The following EPS8 variants were observed in gnomAD, a reference collection of about 807,000 sequenced individuals.
EPS8 encodes epidermal growth factor receptor kinase substrate 8.
In EPS8, 42 loss-of-function variants were observed where a neutral mutation model predicts 103.8. The ratio of observed to expected loss-of-function variants is 0.40; its 90% confidence interval spans 0.32 to 0.52. The LOEUF is 0.52. Among genes scored for constraint, EPS8 ranks in the 20% least tolerant of loss-of-function variants. The pLI is 0.40. For missense variants in EPS8, 969 were observed against 1,005.1 expected, an observed-to-expected ratio of 0.96 and a Z score of 0.49; for synonymous variants, 344 against 344.6, an observed-to-expected ratio of 1.00 and a Z score of 0.02.
At chr12:15,739,610 C>G (rs1287206007) in intron 1 of EPS8, among the ~76,000 whole-genome samples, 2 of 151,578 alleles carry the variant, frequency 1.3e-5, no homozygotes, top group African/African-American at 4.9e-5. Flanking sequence ...GTTTTTGGAC[C>G]CTGAGACTCA....
intron 3 of EPS8, among the ~76,000 whole-genome samples, chr12:15,676,259 CAAAAAA>C (rs888576581): frequency 6.1e-5 from 1 of 16,336 alleles, no homozygotes; most frequent in South Asian, 1.9e-3. Context: ...GACTCCATCT[CAAAAAA>C]AAAAAAAAAA....
In EPS8 at chr12:15,745,096, C is replaced by A. The variant is rs1591915027; in HGVS notation, c.-22+44065G>T. Among the ~76,000 whole-genome samples, 5 of 152,144 alleles carry A rather than the reference C, an allele frequency of 3.3e-5. No homozygotes were observed. Among genetic ancestry groups the A allele is most frequent in the Admixed American group, 3.3e-4 (5 of 15,274 alleles). ...CAGGATGGTCTCGATCTCCTGACCT[C>A]GTGATCCACCCACCTCAGCCTCCCA... On this transcript the variant is annotated intron_variant, in intron 1 of 20. Coordinates refer to ENST00000281172, the MANE Select transcript of EPS8 (RefSeq NM_004447.6). The surrounding 1 kb of genome is among the most constrained non-coding windows in gnomAD (Gnocchi z 4.6).
At chr12:15,624,660 C>T (rs911623276) in intron 18 of EPS8, among the ~76,000 whole-genome samples, 6 of 152,168 alleles carry the variant, frequency 3.9e-5, no homozygotes, top group Non-Finnish European at 8.8e-5. Context: ...TAACTTTCTG[C>T]GTATTCTGTG....
chr12:15,779,953 T>C lies in EPS8; in HGVS notation c.-22+9208A>G, dbSNP rs1379366026. 1 of 152,228 alleles carries C rather than the reference T, an allele frequency of 6.6e-6. No individual in the cohort carries two copies. Among genetic ancestry groups the C allele is most frequent in the African/African-American group, 2.4e-5 (1 of 41,472 alleles). 9.4% of individuals were successfully genotyped at this position (152,228 alleles called of 1,614,324 possible). A position where few individuals can be genotyped will look rare whatever the true frequency, so the allele number is the denominator to read the frequency against. ...AGATTATTACATTCTTTTGTTGCTA[T>C]GCTACTAAATGTAAGAATGGTTTGA... is the stretch of plus-strand genomic sequence containing the variant. On this transcript the variant is annotated intron_variant, in intron 1 of 20. Coordinates refer to ENST00000281172, the MANE Select transcript of EPS8 (RefSeq NM_004447.6). This position sits in a 1 kb window ranked among gnomAD's most constrained non-coding sequence, Gnocchi z 4.3.
Position 15,682,907 on chromosome 12 carries a change from G to C in EPS8, c.45C>G (p.Tyr15Ter). Reference sequence around the variant, plus strand: ...TTTCAACTTACTTCATCTGAGATGGGTACATTCCAAAACTACTGGGATGAT... The same window carrying C: ...TTTCAACTTACTTCATCTGAGATGGCTACATTCCAAAACTACTGGGATGAT... Reference protein sequence around the residue: ...ISNHPSSFGMYPSQMNGYGSS... With the variant: ...ISNHPSSFGM The change falls in exon 2 of 21, where the codon TAC (tyrosine) becomes TAG (stop). Residue 15 changes from tyrosine to a stop codon, truncating the protein, a stop_gained. Coordinates refer to ENST00000281172, the MANE Select transcript of EPS8 (RefSeq NM_004447.6). LOFTEE classifies it high-confidence loss of function. The C allele has an allele frequency of 6.4e-7, 1 of 1,553,184 alleles. No homozygotes were observed. Among genetic ancestry groups the C allele is most frequent in the Non-Finnish European group, 8.8e-7 (1 of 1,133,318 alleles).
intron 14 of EPS8, among the ~76,000 whole-genome samples, chr12:15,650,077 T>C (rs1386729016): frequency 3.3e-5 from 5 of 152,212 alleles, no homozygotes; most frequent in African/African-American, 7.2e-5. Flanking sequence ...ACATCACTTT[T>C]AGGGAATGTG....
Position 15,728,951 on chromosome 12 carries a change from C to T in EPS8, c.-21-45979G>A, listed in dbSNP as rs1946683767. ...AAGGCACTGTGCTGGCAGCAAATTC[C>T]CAGTTCTTTTGTCTGAGAAAGTCTT... On this transcript the variant is annotated intron_variant, in intron 1 of 20. Coordinates refer to ENST00000281172, the MANE Select transcript of EPS8 (RefSeq NM_004447.6). This position sits in a 1 kb window ranked among gnomAD's most constrained non-coding sequence, Gnocchi z 4.5. Among the ~76,000 whole-genome samples the T allele has an allele frequency of 6.6e-6, 1 of 152,082 alleles. No homozygotes were observed. Among genetic ancestry groups the T allele is most frequent in the Non-Finnish European group, 1.5e-5 (1 of 68,006 alleles).
chr12:15,783,957 T>C (rs1038190810), intron 1 of EPS8, among the ~76,000 whole-genome samples: 2 of 151,872 alleles, frequency 1.3e-5, no homozygotes, highest in Admixed American at 6.6e-5. Context: ...GGAATCCATA[T>C]GCAAAAAAAA....
At chr12:15,628,870 C>G (rs1212518531) in intron 18 of EPS8, among the ~76,000 whole-genome samples, 1 of 152,174 alleles carries the variant, frequency 6.6e-6, no homozygotes, top group Non-Finnish European at 1.5e-5. Flanking sequence ...TCAATAAACA[C>G]ACACTGAAAT....
chr12:15,664,979 C>A (rs933695539), intron 8 of EPS8: 1 of 152,004 alleles, frequency 6.6e-6, no homozygotes, highest in African/African-American at 2.4e-5. Context: ...AATGATGCCA[C>A]GCTCATAGGG....
chr12:15,626,984 TGATA>T (rs1272008232), intron 18 of EPS8, among the ~76,000 whole-genome samples: 3 of 152,254 alleles, frequency 2.0e-5, no homozygotes, highest in Non-Finnish European at 4.4e-5. Context: ...ACCACCTTCT[TGATA>T]GATAGTTTTG....
chr12:15,646,119 T>G (rs543355166), intron 15 of EPS8, among the ~76,000 whole-genome samples: 1 of 152,128 alleles, frequency 6.6e-6, no homozygotes, highest in East Asian at 1.9e-4. Context: ...CATTCTCATA[T>G]GTTGGCATTT....
At chr12:15,647,317 T>C in intron 14 of EPS8, 57 bp from the exon 15 acceptor site, 1 of 1,479,188 alleles carries the variant, frequency 6.8e-7, no homozygotes. Context: ...GAATCAGCAC[T>C]CAGGTCAGTC....
intron 12 of EPS8, chr12:15,657,793 T>C (rs1945533622): frequency 3.1e-6 from 1 of 321,108 alleles, no homozygotes; most frequent in South Asian, 3.1e-5. Context: ...TATTATATAC[T>C]AGTATACGTT....
chr12:15,780,440 C>A lies in EPS8; in HGVS notation c.-22+8721G>T, dbSNP rs1032169358. 6.6e-6 allele frequency: 1 copy of A among 150,848 alleles called. No individual in the cohort carries two copies. The highest frequency in any genetic ancestry group is 1.5e-5 in the Non-Finnish European group (1 of 68,012). The allele number at this position is 150,848 out of a possible 1,614,324, so 9.3% of individuals were successfully genotyped here. A position where few individuals can be genotyped will look rare whatever the true frequency, so the allele number is the denominator to read the frequency against. ...CCAGTAAAGACTTTTCTGACTCCCT[C>A]GGCCACAGTGAGGCTCTCCTTTCTG... On this transcript the variant is annotated intron_variant, in intron 1 of 20. Transcript: ENST00000281172. The surrounding 1 kb of genome is among the most constrained non-coding windows in gnomAD (Gnocchi z 4.1).
intron 1 of EPS8, chr12:15,683,318 A>G (rs953252687): frequency 6.3e-6 from 1 of 159,674 alleles, no homozygotes; most frequent in African/African-American, 2.4e-5. Flanking sequence ...TATTTTGTTT[A>G]CTATTCCATT....
intron 1 of EPS8, among the ~76,000 whole-genome samples, chr12:15,742,061 G>A (rs1210438307): frequency 6.6e-6 from 1 of 152,192 alleles, no homozygotes; most frequent in Non-Finnish European, 1.5e-5. Flanking sequence ...TTTTATGGCT[G>A]CATAGTATTC....
At position 15,780,325 on chromosome 12, in the gene EPS8, GTC is replaced by G; in HGVS notation, c.-22+8834_-22+8835del. On this transcript the variant is annotated intron_variant, in intron 1 of 20. Coordinates refer to ENST00000281172, the MANE Select transcript of EPS8 (RefSeq NM_004447.6). The surrounding 1 kb of genome is among the most constrained non-coding windows in gnomAD (Gnocchi z 4.1). ...CATCATGCCAACCTATTCCGCACAT[GTC>G]AAACATGCTCATCTTTCTACCTGGA... Among the ~76,000 whole-genome samples, 1 of 151,994 alleles carries G rather than the reference GTC, an allele frequency of 6.6e-6. No homozygotes were observed. Among genetic ancestry groups the G allele is most frequent in the East Asian group, 1.9e-4 (1 of 5,190 alleles).
intron 1 of EPS8, among the ~76,000 whole-genome samples, chr12:15,756,233 C>A (rs899056591): frequency 1.3e-5 from 2 of 152,078 alleles, no homozygotes; most frequent in African/African-American, 4.8e-5. Flanking sequence ...ATGAGTCTGA[C>A]CACATTAGCA....
Sources: gnomAD v4.1 joint callset for allele counts (sites outside exome capture counted in the v4.1 genomes callset) on GRCh38, gnomAD v4.1.1 for gene constraint, Gnocchi (gnomAD v3.1) non-coding constraint, MANE v1.5 for transcripts, NCBI Gene and HGNC (gene_info 2026-07-23, HGNC 2026-07-21) for gene names.